Variants in FLG2 observed in about 807,000 individuals in gnomAD.
The protein encoded by FLG2 is filaggrin 2.
FLG2 carries 7 observed loss-of-function variants against 3.9 expected under a neutral mutation model. The observed-to-expected ratio is 1.79, with a 90% CI of 1.02 to 3.36. The LOEUF (loss-of-function observed/expected upper bound fraction) is 3.36, where lower values mean the gene tolerates loss of function less well. Among genes scored for constraint, FLG2 ranks in the 30% most tolerant of loss-of-function variants. FLG2 has a pLI of 0.00. For synonymous variants in FLG2, 1,031 were observed against 1,056.1 expected (o/e 0.98, Z 0.46); for missense variants, 2,700 against 2,809.4 (o/e 0.96, Z 0.88).
In FLG2 at chr1:152,356,981, C is replaced by A. The variant is rs1227002446; in HGVS notation, c.805G>T (p.Gly269Cys). ...CTTCGCCTCCCACTGTCTCCTGAAC[C>A]TGAACAGCTAGACCCAAGCTTTTGT... ...REQKLGSSCS[G>C]SGDSGRRSHA... Residue 269 changes from glycine to cysteine, a missense_variant, in exon 3 of 3, where the codon GGT becomes TGT. By Grantham distance (159) the Gly-to-Cys change is radical. Transcript: ENST00000388718. The A allele has an allele frequency of 6.2e-7, 1 of 1,614,226 alleles. No homozygotes were observed. The highest frequency in any genetic ancestry group is 8.5e-7 in the Non-Finnish European group (1 of 1,180,040).
chr1:152,358,091 T>C (rs1057012199), intron 2 of FLG2, among the ~76,000 whole-genome samples: 1 of 151,546 alleles, frequency 6.6e-6, no homozygotes, highest in African/African-American at 2.4e-5. Flanking sequence ...GTGCGATCTC[T>C]GCTCACTGCA....
In FLG2 at chr1:152,356,473, T is replaced by C; in HGVS notation, c.1313A>G (p.Gln438Arg). 1 of 1,614,258 alleles carries C rather than the reference T, an allele frequency of 6.2e-7. No homozygotes were observed. Among genetic ancestry groups the C allele is most frequent in the South Asian group, 1.1e-5 (1 of 91,086 alleles). ...SFEQHGTGLS[Q>R]SSGFEQHVCG... ...TACATGTTGTTCGAACCCAGAGGACTGACTCAAGCCTGTTCCATGTTGTTC... is the reference window on the plus strand; with the variant it reads ...TACATGTTGTTCGAACCCAGAGGACCGACTCAAGCCTGTTCCATGTTGTTC... Residue 438 changes from glutamine (Q) to arginine (R), a missense_variant, in exon 3 of 3, where the codon CAG becomes CGG. Gln to Arg is a conservative substitution (Grantham distance 43). Transcript: ENST00000388718.
rs145907775 is a variant in FLG2, at chr1:152,354,901, C to T, written c.2885G>A (p.Gly962Asp). The change falls in exon 3 of 3, where the codon GGC (glycine) becomes GAC (aspartate). Residue 962 changes from glycine (G) to aspartate (D), a missense_variant. Gly to Asp is a moderately conservative substitution (Grantham distance 94, BLOSUM62 -1). Transcript: ENST00000388718. ...CTGACCTGAGCCTGATCCATGTTGG[C>T]CAAAGCCAGAGGATTGACCTGAGCC... ...RSGSGQSSGFGQHGSGSGQSS... is the reference protein window; with the variant it reads ...RSGSGQSSGFDQHGSGSGQSS... 353 of 1,613,836 alleles carry T rather than the reference C, an allele frequency of 2.2e-4. 2 individuals are homozygous for T. In the Middle Eastern group the frequency reaches 2.5e-3, roughly 11 times the overall value.
Position 152,356,840 on chromosome 1 carries a change from C to A in FLG2, c.946G>T (p.Gly316Cys). ...QGNQFSYIQS[G>C]CQSGIKGGQG... ...CCTCCCTTAATTCCTGACTGACAGCCTGACTGAATATAGCTAAATTGATTT... is the reference window on the plus strand; with the variant it reads ...CCTCCCTTAATTCCTGACTGACAGCATGACTGAATATAGCTAAATTGATTT... The change falls in exon 3 of 3, where the codon GGC becomes TGC. Residue 316 changes from glycine (G) to cysteine (C), a missense_variant. By Grantham distance (159) the Gly-to-Cys change is radical (BLOSUM62 -3). Transcript: ENST00000388718. 1 of 1,614,214 alleles carries A rather than the reference C, an allele frequency of 6.2e-7. No homozygotes were observed. The highest frequency in any genetic ancestry group is 8.5e-7 in the Non-Finnish European group (1 of 1,180,040).
rs1429516146 is a variant in FLG2 at position 152,355,449 on chromosome 1, C to T, written c.2337G>A (p.Gln779=). 7.5e-6 allele frequency: 12 copies of T among 1,606,974 alleles called. No homozygotes were observed. The Admixed American group carries it at 2.0e-4, about 27-fold the overall frequency. ...SYGQHSSGSS[Q]SSGYGQHGSR... ...ACCCATGTTGGCCATAGCCAGATGA[C>T]TGACTTGAGCCAGAACTGTGTTGGC... is the stretch of plus-strand genomic sequence containing the variant. Residue 779 remains glutamine, a synonymous_variant, in exon 3 of 3, where the codon CAG becomes CAA. Transcript: ENST00000388718.
chr1:152,351,823 G>T lies in FLG2; in HGVS notation c.5963C>A (p.Ser1988Tyr), dbSNP rs1358915640. The T allele has an allele frequency of 6.2e-7, 1 of 1,612,196 alleles. No individual in the cohort carries two copies. The highest frequency in any genetic ancestry group is 8.5e-7 in the Non-Finnish European group (1 of 1,179,752). The change falls in exon 3 of 3, where the codon TCC becomes TAC. Residue 1988 changes from serine (S) to tyrosine (Y), a missense_variant. Transcript: ENST00000388718. ...QAGSHYPESG[S>Y]SVHERHGTTH... ...AGTTCCGTGTCTCTCATGAACTGAGGATCCTGACTCTGGATAGTGAGATCC... is the reference window on the plus strand; with the variant it reads ...AGTTCCGTGTCTCTCATGAACTGAGTATCCTGACTCTGGATAGTGAGATCC...
Position 152,354,494 on chromosome 1 carries a change from G to A in FLG2, c.3292C>T (p.Gln1098Ter), listed in dbSNP as rs945763987. The change falls in exon 3 of 3, where the codon CAG (glutamine) becomes TAG (stop). Residue 1098 changes from glutamine (Q) to a stop codon, truncating the protein, a stop_gained. Transcript: ENST00000388718. LOFTEE classifies it low-confidence loss of function (END_TRUNC). ...CTGTGTTGTCCAAATCCAGATGTCTGTCCTGAATTTGACCCATGTTGACCA... is the reference window on the plus strand; with the variant it reads ...CTGTGTTGTCCAAATCCAGATGTCTATCCTGAATTTGACCCATGTTGACCA... ...GYGQHGSNSG[Q>*]TSGFGQHRPG... 7.4e-6 allele frequency: 12 copies of A among 1,614,114 alleles called. No individual in the cohort carries two copies. The highest frequency in any genetic ancestry group is 9.3e-6 in the Non-Finnish European group (11 of 1,180,026).
At chr1:152,359,317 AG>A (rs1337739721) in intron 1 of FLG2, among the ~76,000 whole-genome samples, 1 of 152,164 alleles carries the variant, frequency 6.6e-6, no homozygotes, top group Non-Finnish European at 1.5e-5. Flanking sequence ...TTGAGTCAAA[AG>A]TGACAGACCT....
In FLG2 at chr1:152,352,140, C is replaced by T. The variant is rs151155761; in HGVS notation, c.5646G>A (p.Glu1882=). 6.2e-7 allele frequency: 1 copy of T among 1,613,730 alleles called. No individual in the cohort carries two copies. Among genetic ancestry groups the T allele is most frequent in the Non-Finnish European group, 8.5e-7 (1 of 1,179,926 alleles). The part of the protein sequence containing the change: ...TTGRRRSGHS[E]SSDSEVHSGG... ...CTGAGTGCACTTCACTGTCACTGGA[C>T]TCACTGTGGCCAGATCTCCTTCTTC... The change falls in exon 3 of 3, where the codon GAG becomes GAA. Residue 1882 remains glutamate, a synonymous_variant. Coordinates refer to ENST00000388718, the MANE Select transcript of FLG2 (RefSeq NM_001014342.3).
chr1:152,355,567 C>T lies in FLG2; in HGVS notation c.2219G>A (p.Gly740Asp), dbSNP rs1654182813. 2 of 1,613,808 alleles carry T rather than the reference C, an allele frequency of 1.2e-6. No individual in the cohort carries two copies. Among genetic ancestry groups the T allele is most frequent in the Non-Finnish European group, 1.7e-6 (2 of 1,179,956 alleles). ...ATGTTGTCCAAAGCCAGAGGACTGA[C>T]CTGAGCCTGATCCATGTTGGCCAAA... ...SSFGQHGSGS[G>D]QSSGFGQHGS... The change falls in exon 3 of 3, where the codon GGT becomes GAT. Residue 740 changes from glycine (G) to aspartate (D), a missense_variant. Transcript: ENST00000388718.
In FLG2 at chr1:152,355,086, A is replaced by G. The variant is rs367597112; in HGVS notation, c.2700T>C (p.His900=). The G allele has an allele frequency of 3.2e-6, 5 of 1,552,192 alleles. No homozygotes were observed. The African/African-American group carries it at 5.4e-5, about 17-fold the overall frequency. ...CAGAGTATTGTCCTGAGCCAGTCCC[A>G]TGTTGTCCAAAGCCACTGGACTGAC... ...GSGQSSGFGQ[H]GTGSGQYSGF... The change falls in exon 3 of 3, where the codon CAT becomes CAC. Residue 900 remains histidine, a synonymous_variant. Transcript: ENST00000388718.
chr1:152,359,368 C>T (rs1254808681), intron 1 of FLG2, among the ~76,000 whole-genome samples: 9 of 152,154 alleles, frequency 5.9e-5, no homozygotes, highest in Non-Finnish European at 1.3e-4. Flanking sequence ...GCACCAGAAG[C>T]TAAACTGGAC....
Position 152,356,432 on chromosome 1 carries a change from T to G in FLG2, c.1354A>C (p.Thr452Pro), listed in dbSNP as rs778714795. 2 of 1,614,086 alleles carry G rather than the reference T, an allele frequency of 1.2e-6. No homozygotes were observed. Among genetic ancestry groups the G allele is most frequent in the Non-Finnish European group, 1.7e-6 (2 of 1,179,994 alleles). Residue 452 changes from threonine (T) to proline (P), a missense_variant, in exon 3 of 3, where the codon ACT becomes CCT. Thr to Pro is a conservative substitution (Grantham distance 38, BLOSUM62 -1). Transcript: ENST00000388718. ...FEQHVCGSGQTCGQHESTSSQ... is the reference protein window; with the variant it reads ...FEQHVCGSGQPCGQHESTSSQ... ...GATGTAGACTCATGCTGGCCACAAG[T>G]TTGACCTGAGCCACATACATGTTGT...
At position 152,356,375 on chromosome 1, in the gene FLG2, A is replaced by G; in HGVS notation, c.1411T>C (p.Ser471Pro). 1 of 1,614,188 alleles carries G rather than the reference A, an allele frequency of 6.2e-7. No homozygotes were observed. The highest frequency in any genetic ancestry group is 8.5e-7 in the Non-Finnish European group (1 of 1,180,046). ...SQSLGYDQHG[S>P]SSGKTSGFGQ... The stretch of plus-strand genomic sequence containing the variant: ...AAGCCAGATGTCTTACCTGAGCTAG[A>G]CCCATGCTGGTCATAGCCCAAGGAT... The change falls in exon 3 of 3, where the codon TCT becomes CCT. Residue 471 changes from serine to proline, a missense_variant. Physicochemically the swap from Ser to Pro is moderately conservative, Grantham distance 74 (BLOSUM62 -1). Transcript: ENST00000388718.
chr1:152,358,312 C>T (rs769030641), intron 2 of FLG2, among the ~76,000 whole-genome samples: 4 of 152,092 alleles, frequency 2.6e-5, no homozygotes, highest in Non-Finnish European at 5.9e-5. Flanking sequence ...TGAGCCACCG[C>T]GCCTAGCTGA....
At position 152,356,665 on chromosome 1, in the gene FLG2, G is replaced by C. The variant is rs140523312; in HGVS notation, c.1121C>G (p.Ser374Ter). The change falls in exon 3 of 3, where the codon TCA becomes TGA. Residue 374 changes from serine (S) to a stop codon, truncating the protein, a stop_gained. Coordinates refer to ENST00000388718, the MANE Select transcript of FLG2 (RefSeq NM_001014342.3). LOFTEE classifies it low-confidence loss of function (END_TRUNC). ...QNCGGQWRTG[S>*]SQSSCCGQYG... ...TTGTCCACAGCAAGAGGACTGACTTGAGCCTGTTCTCCATTGTCCTCCACA... is the reference window on the plus strand; with the variant it reads ...TTGTCCACAGCAAGAGGACTGACTTCAGCCTGTTCTCCATTGTCCTCCACA... The C allele has an allele frequency of 7.4e-6, 12 of 1,614,062 alleles. No homozygotes were observed. The highest frequency in any genetic ancestry group is 1.0e-5 in the Non-Finnish European group (12 of 1,180,036).
chr1:152,350,662 T>G lies in FLG2; in HGVS notation c.7124A>C (p.His2375Pro), dbSNP rs780356745. Residue 2375 changes from histidine (H) to proline (P), a missense_variant, in exon 3 of 3, where the codon CAC becomes CCC. By Grantham distance (77) the His-to-Pro change is moderately conservative. Coordinates refer to ENST00000388718, the MANE Select transcript of FLG2 (RefSeq NM_001014342.3). ...AGTGCTGTCTGTTGACCATGAAAGG[T>G]GAGAATTACTGATGCTTTTTCTGCT... ...GGSRKSISNS[H>P]LSWSTDSTAN... 6.2e-7 allele frequency: 1 copy of G among 1,614,002 alleles called. No homozygotes were observed. Among genetic ancestry groups the G allele is most frequent in the Admixed American group, 1.7e-5 (1 of 60,000 alleles).
chr1:152,352,134 A>G lies in FLG2; in HGVS notation c.5652T>C (p.Ser1884=), dbSNP rs200575103. The G allele has an allele frequency of 3.1e-6, 5 of 1,613,278 alleles. No homozygotes were observed. Among genetic ancestry groups the G allele is most frequent in the Non-Finnish European group, 8.5e-7 (1 of 1,179,848 alleles). ...GRRRSGHSES[S]DSEVHSGGSH... ...AGCCCCCTGAGTGCACTTCACTGTC[A>G]CTGGACTCACTGTGGCCAGATCTCC... The change falls in exon 3 of 3, where the codon AGT becomes AGC. Residue 1884 remains serine (S), a synonymous_variant. Coordinates refer to ENST00000388718, the MANE Select transcript of FLG2 (RefSeq NM_001014342.3).
In FLG2 at chr1:152,353,589, A is replaced by T. The variant is rs765022677; in HGVS notation, c.4197T>A (p.Thr1399=). The change falls in exon 3 of 3, where the codon ACT becomes ACA. Residue 1399 remains threonine (T), a synonymous_variant. Coordinates refer to ENST00000388718, the MANE Select transcript of FLG2 (RefSeq NM_001014342.3). The part of the protein sequence containing the change: ...ETTYGQTGEA[T]GHGHSGHGQS... ...GTCCATGACCAGAGTGGCCATGTCC[A>T]GTGGCCTCTCCTGTCTGTCCATAAG... 6.2e-7 allele frequency: 1 copy of T among 1,613,960 alleles called. No homozygotes were observed. The highest frequency in any genetic ancestry group is 2.2e-5 in the East Asian group (1 of 44,854).
Sources: gnomAD v4.1 joint callset for allele counts (sites outside exome capture counted in the v4.1 genomes callset) on GRCh38, gnomAD v4.1.1 for gene constraint, MANE v1.5 for transcripts, NCBI Gene and HGNC (gene_info 2026-07-23, HGNC 2026-07-21) for gene names.